Variants in PTPRN2 observed in about 807,000 individuals in gnomAD.
PTPRN2 encodes protein tyrosine phosphatase receptor type N2.
PTPRN2 carries 74 observed loss-of-function variants against 118.8 expected under a neutral mutation model. That is an observed-to-expected ratio of 0.62 (90% CI 0.52 to 0.76). The LOEUF is 0.76. Among genes scored for constraint, PTPRN2 ranks in the 30% least tolerant of loss-of-function variants. The pLI is 0.00. For missense variants in PTPRN2, 1,481 were observed against 1,394.4 expected (o/e 1.06, Z -0.99); for synonymous variants, 641 against 608.0 (o/e 1.05, Z -0.80).
intron 12 of PTPRN2, among the ~76,000 whole-genome samples, chr7:157,849,268 G>A (rs909640593): frequency 1.3e-5 from 2 of 152,184 alleles, no homozygotes; most frequent in African/African-American, 4.8e-5. Flanking sequence ...TCTCCCCCAG[G>A]CTGGGATGGA....
At chr7:158,111,079 C>T (rs1481665458) in intron 9 of PTPRN2, among the ~76,000 whole-genome samples, 164 bp from the exon 10 acceptor site, 1 of 152,208 alleles carries the variant, frequency 6.6e-6, no homozygotes, top group East Asian at 1.9e-4. Flanking sequence ...ACCTGAGTTT[C>T]CAGCAACAAG....
intron 12 of PTPRN2, among the ~76,000 whole-genome samples, chr7:157,776,098 A>ACCTCCTCTCTCCTCTCCC (rs1803201130): frequency 1.9e-5 from 1 of 53,932 alleles, no homozygotes; most frequent in African/African-American, 7.2e-5. Flanking sequence ...CCTCCTCTCC[A>ACCTCCTCTCTCCTCTCCC]CCTCCTCTCT....
At chr7:158,367,874 G>A (rs936443786) in intron 2 of PTPRN2, among the ~76,000 whole-genome samples, 2 of 152,130 alleles carry the variant, frequency 1.3e-5, no homozygotes, top group African/African-American at 4.8e-5. Context: ...TCTCCAGACG[G>A]TTTACAAATT....
chr7:158,283,121 CA>C, intron 3 of PTPRN2, among the ~76,000 whole-genome samples: 1 of 152,216 alleles, frequency 6.6e-6, no homozygotes, highest in East Asian at 1.9e-4. Flanking sequence ...GCGCTGATGT[CA>C]GGGGAAGACG....
rs532744504 is a variant in PTPRN2, at chr7:158,279,394, C to T, written c.277+37425G>A. Among the ~76,000 whole-genome samples, 748 of 152,278 alleles carry T rather than the reference C, an allele frequency of 4.9e-3. 4 individuals are homozygous for T. Among genetic ancestry groups the T allele is most frequent in the Non-Finnish European group, 8.3e-3 (568 of 68,028 alleles). On this transcript the variant is annotated intron_variant, in intron 3 of 22. Transcript: ENST00000389418. The stretch of plus-strand genomic sequence containing the variant: ...CCAAGTCCCCACCCTCCCAGCAGCC[C>T]AGCCAGCTTCACCTCTCACTGGTAC...
intron 14 of PTPRN2, among the ~76,000 whole-genome samples, chr7:157,624,275 G>A (rs901243369): frequency 2.0e-5 from 3 of 152,116 alleles, no homozygotes; most frequent in South Asian, 4.2e-4. Flanking sequence ...ACAAAAATTA[G>A]TCGGGCATGG....
chr7:157,997,611 G>A (rs1027120111), intron 11 of PTPRN2, among the ~76,000 whole-genome samples: 1 of 151,932 alleles, frequency 6.6e-6, no homozygotes, highest in Non-Finnish European at 1.5e-5. Flanking sequence ...CAGCCAGAAT[G>A]TCCCTGCAGA....
chr7:157,802,072 T>C (rs1467901337), intron 12 of PTPRN2, among the ~76,000 whole-genome samples: 2 of 152,174 alleles, frequency 1.3e-5, no homozygotes, highest in South Asian at 2.1e-4. Context: ...GCTTCCTTCA[T>C]GGGACTTCAC....
chr7:157,837,807 CG>C (rs1808077639), intron 12 of PTPRN2, among the ~76,000 whole-genome samples: 1 of 152,242 alleles, frequency 6.6e-6, no homozygotes, highest in Non-Finnish European at 1.5e-5. Context: ...CTGTTAGACA[CG>C]GAGCCTTGGA....
intron 12 of PTPRN2, among the ~76,000 whole-genome samples, chr7:157,852,118 G>A (rs555008979): frequency 6.6e-6 from 1 of 152,226 alleles, no homozygotes; most frequent in Non-Finnish European, 1.5e-5. Context: ...TTTAAAATAC[G>A]CCAGAAATGA....
chr7:157,576,867 C>G, intron 18 of PTPRN2, 88 bp from the exon 19 acceptor site: 1 of 1,349,400 alleles, frequency 7.4e-7, no homozygotes, highest in Non-Finnish European at 1.0e-6. Context: ...AGGGCCACGT[C>G]TGACCAGAGA....
intron 1 of PTPRN2, among the ~76,000 whole-genome samples, chr7:158,500,571 C>T (rs1185710135): frequency 6.6e-6 from 1 of 152,252 alleles, no homozygotes; most frequent in Non-Finnish European, 1.5e-5. Flanking sequence ...TGAAGTTTCA[C>T]ACACTCTTCT....
chr7:158,505,970 G>A (rs1424071539), intron 1 of PTPRN2, among the ~76,000 whole-genome samples: 1 of 152,226 alleles, frequency 6.6e-6, no homozygotes, highest in African/African-American at 2.4e-5. Context: ...ACAGCAGGAA[G>A]CACAGAGCCC....
chr7:158,355,827 G>A (rs1808345348), intron 2 of PTPRN2, among the ~76,000 whole-genome samples: 2 of 152,190 alleles, frequency 1.3e-5, no homozygotes, highest in African/African-American at 2.4e-5. Context: ...GATGGGGTGA[G>A]ACCTCGCTCA....
chr7:158,085,840 T>TGACGCCCATCCACACCCAC (rs1813352771), intron 10 of PTPRN2, among the ~76,000 whole-genome samples: 1 of 67,680 alleles, frequency 1.5e-5, no homozygotes, highest in Non-Finnish European at 2.9e-5. Flanking sequence ...TCCACACCCA[T>TGACGCCCATCCACACCCAC]GACGCCCATC....
chr7:157,811,742 G>A (rs917284692), intron 12 of PTPRN2, among the ~76,000 whole-genome samples: 9 of 152,118 alleles, frequency 5.9e-5, no homozygotes, highest in Admixed American at 2.6e-4. Flanking sequence ...TGGCTTCCTC[G>A]CTGTGACAGC....
intron 12 of PTPRN2, among the ~76,000 whole-genome samples, chr7:157,834,343 T>G (rs933427047): frequency 4.6e-5 from 6 of 129,598 alleles, no homozygotes; most frequent in South Asian, 3.0e-4. Flanking sequence ...CTGTGATCAA[T>G]CCATCAATTC....
At chr7:158,275,253 C>T (rs1169578848) in intron 3 of PTPRN2, among the ~76,000 whole-genome samples, 1 of 152,090 alleles carries the variant, frequency 6.6e-6, no homozygotes, top group African/African-American at 2.4e-5. Flanking sequence ...GGACGTTGGC[C>T]CAGGTGCCTG....
rs142460037 is a variant in PTPRN2, at chr7:157,757,657, G to A, written c.1789-74720C>T. 7.5e-3 allele frequency among the ~76,000 whole-genome samples: 1,127 copies of A among 150,732 alleles called. 12 individuals are homozygous for A. The highest frequency in any genetic ancestry group is 0.026 in the African/African-American group (1,077 of 40,652). Reference sequence around the variant, plus strand: ...CTGTTGTTCGACTGGTATGCTCTGTGGCTCACAAGATACAAGTTTTTTTTT... The same window carrying A: ...CTGTTGTTCGACTGGTATGCTCTGTAGCTCACAAGATACAAGTTTTTTTTT... On this transcript the variant is annotated intron_variant, in intron 12 of 22. Coordinates refer to ENST00000389418, the MANE Select transcript of PTPRN2 (RefSeq NM_002847.5).
Sources: gnomAD v4.1 joint callset for allele counts (sites outside exome capture counted in the v4.1 genomes callset) on GRCh38, gnomAD v4.1.1 for gene constraint, MANE v1.5 for transcripts, NCBI Gene and HGNC (gene_info 2026-07-23, HGNC 2026-07-21) for gene names.